CTNNA2: variants seen among roughly 807,000 people sequenced by gnomAD.
CTNNA2 encodes catenin alpha-2.
In CTNNA2, 42 loss-of-function variants were observed where a neutral mutation model predicts 101.0. The ratio of observed to expected loss-of-function variants is 0.42; its 90% CI spans 0.32 to 0.54. CTNNA2 has a LOEUF of 0.54. Ranked by LOEUF, CTNNA2 falls within the 20% of genes least tolerant of loss-of-function variation. CTNNA2 has a pLI of 0.14. For missense variants in CTNNA2, 871 were observed against 1,223.1 expected (o/e 0.71, Z 4.29); for synonymous variants, 450 against 456.4 (o/e 0.99, Z 0.18).
chr2:80,092,485 T>G (rs1699849712), intron 7 of CTNNA2, among the ~76,000 whole-genome samples: 3 of 152,140 alleles, frequency 2.0e-5, no homozygotes, highest in Non-Finnish European at 4.4e-5. Flanking sequence ...GGGTGGATTT[T>G]CTTTAGAGTG....
chr2:79,276,260 A>C (rs1675210442), intron 2 of CTNNA2, among the ~76,000 whole-genome samples: 1 of 152,042 alleles, frequency 6.6e-6, no homozygotes, highest in East Asian at 1.9e-4. Context: ...ATTCTTGCTT[A>C]TGTATTTGTT....
intron 9 of CTNNA2, among the ~76,000 whole-genome samples, chr2:80,505,404 T>A (rs1688194477): frequency 6.6e-6 from 1 of 152,252 alleles, no homozygotes; most frequent in Admixed American, 6.5e-5. Flanking sequence ...TCTTATCTAA[T>A]TTTAAAATAA....
intron 9 of CTNNA2, among the ~76,000 whole-genome samples, chr2:80,542,259 A>ATG (rs58061169): frequency 0.43 from 65,024 of 151,306 alleles, 14,121 homozygotes; most frequent in South Asian, 0.56. Flanking sequence ...ATGTGTATAT[A>ATG]TATATTATAG....
At chr2:79,268,102 C>A (rs1217026197) in intron 2 of CTNNA2, among the ~76,000 whole-genome samples, 1 of 151,998 alleles carries the variant, frequency 6.6e-6, no homozygotes, top group African/African-American at 2.4e-5. Flanking sequence ...GGTGGCTGTC[C>A]CCTGTAGGCA....
At chr2:79,311,561 C>G (rs1676374637) in intron 2 of CTNNA2, among the ~76,000 whole-genome samples, 1 of 127,040 alleles carries the variant, frequency 7.9e-6, no homozygotes, top group African/African-American at 3.0e-5. Flanking sequence ...GATAGTGCGT[C>G]CCCCGGTGAC....
chr2:80,428,573 A>G (rs1681200043), intron 9 of CTNNA2, among the ~76,000 whole-genome samples: 1 of 152,106 alleles, frequency 6.6e-6, no homozygotes, highest in Non-Finnish European at 1.5e-5. Context: ...AATCAGTTGA[A>G]ACTTTAATAA....
chr2:80,243,173 C>T (rs1308691334), intron 7 of CTNNA2, among the ~76,000 whole-genome samples: 4 of 152,140 alleles, frequency 2.6e-5, no homozygotes, highest in Non-Finnish European at 5.9e-5. Flanking sequence ...TAGTAAGAAA[C>T]ATTATGGGGG....
rs893421659 is a variant in CTNNA2 at position 80,542,868 on chromosome 2, C to T, written c.1291-2114C>T. 2.8e-5 allele frequency among the ~76,000 whole-genome samples: 3 copies of T among 107,468 alleles called. 1 individual carries two copies. In the South Asian group the frequency reaches 9.7e-4, roughly 35 times the overall value. The allele number at this position is 107,468 out of a possible 152,430, so 70.5% of individuals were successfully genotyped here. On this transcript the variant is annotated intron_variant, in intron 9 of 18. Coordinates refer to ENST00000402739, the MANE Select transcript of CTNNA2 (RefSeq NM_001282597.3). ...ATCTTTCTAGAAGATTCTCCACTAT[C>T]CTGATTTTTTCCCCCCCCCACATGC...
At chr2:79,339,937 T>C (rs1413546931) in intron 3 of CTNNA2, 1 of 152,224 alleles carries the variant, frequency 6.6e-6, no homozygotes, top group Non-Finnish European at 1.5e-5. Context: ...CATTTGTTGT[T>C]TCTTACCCAG....
intron 7 of CTNNA2, among the ~76,000 whole-genome samples, chr2:79,943,069 T>G (rs1212732240): frequency 6.6e-6 from 1 of 151,960 alleles, no homozygotes; most frequent in Non-Finnish European, 1.5e-5. Context: ...ATAAAAAAAT[T>G]AGCTGGGCAT....
chr2:79,215,924 G>C (rs907021542), intron 2 of CTNNA2, among the ~76,000 whole-genome samples: 1 of 152,090 alleles, frequency 6.6e-6, no homozygotes, highest in African/African-American at 2.4e-5. Context: ...AGTAGAAAAG[G>C]AAGATTAGAA....
intron 3 of CTNNA2, among the ~76,000 whole-genome samples, chr2:79,850,051 A>G (rs1255124240): frequency 6.6e-6 from 1 of 152,206 alleles, no homozygotes; most frequent in Admixed American, 6.5e-5. Context: ...GCATGCATGC[A>G]CAGGGAGTCA....
intron 2 of CTNNA2, among the ~76,000 whole-genome samples, chr2:79,202,967 C>T (rs1463601388): frequency 2.6e-5 from 4 of 152,264 alleles, no homozygotes; most frequent in East Asian, 3.9e-4. Context: ...CCAGTAGATC[C>T]GAATGGATTT....
At chr2:80,519,814 G>A (rs1306153703) in intron 9 of CTNNA2, among the ~76,000 whole-genome samples, 1 of 152,156 alleles carries the variant, frequency 6.6e-6, no homozygotes, top group Non-Finnish European at 1.5e-5. Context: ...AAATAACTAA[G>A]TCCTAAGAGG....
At chr2:80,161,940 A>G (rs540234277) in intron 7 of CTNNA2, among the ~76,000 whole-genome samples, 1 of 152,162 alleles carries the variant, frequency 6.6e-6, no homozygotes, top group Non-Finnish European at 1.5e-5. Flanking sequence ...CAGAAATTAT[A>G]CCTAAATTAT....
chr2:80,352,670 T>C (rs575335429), intron 7 of CTNNA2, among the ~76,000 whole-genome samples: 4 of 152,288 alleles, frequency 2.6e-5, no homozygotes, highest in Admixed American at 2.0e-4. Context: ...TGATTTATTA[T>C]TTAATGGATT....
intron 3 of CTNNA2, among the ~76,000 whole-genome samples, chr2:79,814,565 T>C (rs904137297): frequency 6.6e-6 from 1 of 151,852 alleles, no homozygotes; most frequent in East Asian, 1.9e-4. Flanking sequence ...CATTAATTCA[T>C]TCCTTTTCAT....
chr2:79,919,748 C>T (rs1030973698), intron 7 of CTNNA2, among the ~76,000 whole-genome samples: 9 of 152,166 alleles, frequency 5.9e-5, no homozygotes, highest in Admixed American at 3.3e-4. Context: ...CTCTCGTTCC[C>T]GAATGGCTTG....
At chr2:80,353,267 A>G (rs1559036263) in intron 7 of CTNNA2, among the ~76,000 whole-genome samples, 1 of 152,048 alleles carries the variant, frequency 6.6e-6, no homozygotes, top group Non-Finnish European at 1.5e-5. Context: ...TTTTCAAGCA[A>G]TAAGGGACAA....
Sources: allele counts gnomAD v4.1 joint callset (sites outside exome capture counted in the v4.1 genomes callset), GRCh38; gene constraint gnomAD v4.1.1; transcripts MANE v1.5; gene names NCBI Gene and HGNC (gene_info 2026-07-23, HGNC 2026-07-21).